Variants in SMOC1 observed in about 807,000 individuals in gnomAD.
The protein encoded by SMOC1 is SPARC related modular calcium binding 1.
SMOC1 carries 22 observed loss-of-function variants against 56.3 expected under a neutral mutation model. The observed-to-expected ratio is 0.39, with a 90% CI of 0.28 to 0.56. The LOEUF is 0.56. Among genes scored for constraint, SMOC1 ranks in the 20% least tolerant of loss-of-function variants. The pLI, the probability that SMOC1 is intolerant of heterozygous loss-of-function variation, is 0.61. For synonymous variants in SMOC1, 193 were observed against 215.0 expected (o/e 0.90, Z 0.89); for missense variants, 509 against 565.4 (o/e 0.90, Z 1.01).
At chr14:69,926,866 CACTTG>C (rs779976842) in intron 1 of SMOC1, among the ~76,000 whole-genome samples, 13 of 152,324 alleles carry the variant, frequency 8.5e-5, no homozygotes, top group Middle Eastern at 3.4e-3. Context: ...TTGAGGAAGT[CACTTG>C]ACCTCTCTGA....
At chr14:69,909,761 A>T (rs1189737473) in intron 1 of SMOC1, among the ~76,000 whole-genome samples, 1 of 152,216 alleles carries the variant, frequency 6.6e-6, no homozygotes, top group African/African-American at 2.4e-5. Context: ...AACACTTAAA[A>T]AATCTGTATT....
At chr14:69,922,665 T>C (rs1007115709) in intron 1 of SMOC1, among the ~76,000 whole-genome samples, 1 of 152,132 alleles carries the variant, frequency 6.6e-6, no homozygotes, top group African/African-American at 2.4e-5. Flanking sequence ...TGCCAAGATC[T>C]CTAGGTGATC....
chr14:69,934,245 G>C (rs771515068), intron 1 of SMOC1, among the ~76,000 whole-genome samples: 1 of 152,130 alleles, frequency 6.6e-6, no homozygotes, highest in African/African-American at 2.4e-5. Flanking sequence ...CCCGTTGAAG[G>C]CTCACATCTC....
At chr14:69,892,027 A>G (rs1045617701) in intron 1 of SMOC1, among the ~76,000 whole-genome samples, 2 of 152,204 alleles carry the variant, frequency 1.3e-5, no homozygotes, top group African/African-American at 2.4e-5. Context: ...TACTGAAGAT[A>G]TTAATCTGTT....
chr14:69,903,060 C>A (rs1388047106), intron 1 of SMOC1, among the ~76,000 whole-genome samples: 3 of 151,796 alleles, frequency 2.0e-5, no homozygotes, highest in African/African-American at 4.8e-5. Context: ...AAGTGAGGAG[C>A]GTCTCTGCCT....
chr14:69,884,128 G>A (rs933216835), intron 1 of SMOC1, among the ~76,000 whole-genome samples: 5 of 150,892 alleles, frequency 3.3e-5, no homozygotes, highest in East Asian at 1.9e-4. Context: ...GGATGGTCTC[G>A]ATCTCCCGAC....
intron 10 of SMOC1, among the ~76,000 whole-genome samples, chr14:70,014,268 GT>G (rs1885433863): frequency 6.6e-6 from 1 of 152,222 alleles, no homozygotes; most frequent in Non-Finnish European, 1.5e-5. Context: ...AAAATCTGTG[GT>G]GAGTGCTAGG....
chr14:69,961,653 G>A (rs1883384946), intron 3 of SMOC1, among the ~76,000 whole-genome samples: 1 of 152,118 alleles, frequency 6.6e-6, no homozygotes, highest in African/African-American at 2.4e-5. Flanking sequence ...AAGGATTACA[G>A]GTGTGGGCCA....
chr14:70,002,784 A>G (rs1488105950), intron 7 of SMOC1, among the ~76,000 whole-genome samples: 3 of 152,216 alleles, frequency 2.0e-5, no homozygotes, highest in Admixed American at 2.0e-4. Context: ...AGTTGGCTTG[A>G]AACCATAGGT....
At chr14:69,880,915 T>C (rs1484135029) in intron 1 of SMOC1, among the ~76,000 whole-genome samples, 1 of 152,260 alleles carries the variant, frequency 6.6e-6, no homozygotes, top group South Asian at 2.1e-4. Flanking sequence ...AGTCTTGCAA[T>C]GCTTGACAAG....
intron 3 of SMOC1, among the ~76,000 whole-genome samples, chr14:69,971,421 T>A (rs2139490260): frequency 6.6e-6 from 1 of 152,298 alleles, no homozygotes; most frequent in African/African-American, 2.4e-5. Flanking sequence ...GGAGGAGCCA[T>A]CTGTTGACAC....
chr14:69,909,009 C>T (rs980695691), intron 1 of SMOC1, among the ~76,000 whole-genome samples: 13 of 152,082 alleles, frequency 8.5e-5, no homozygotes, highest in Non-Finnish European at 1.0e-4. Context: ...CTTCTAAAGT[C>T]CTCTATGGTG....
intron 1 of SMOC1, among the ~76,000 whole-genome samples, chr14:69,941,293 C>A (rs899978569): frequency 6.6e-6 from 1 of 152,194 alleles, no homozygotes; most frequent in Non-Finnish European, 1.5e-5. Flanking sequence ...TTCCACCTGG[C>A]GCATTTGCTT....
chr14:69,968,902 G>C (rs550032681), intron 3 of SMOC1, among the ~76,000 whole-genome samples: 42 of 152,334 alleles, frequency 2.8e-4, no homozygotes, highest in African/African-American at 9.9e-4. Context: ...GACAGATGGG[G>C]AGAAATGAAG....
chr14:70,023,547 A>C (rs2281663), intron 11 of SMOC1, 100 bp downstream of exon 11: 2 of 1,517,242 alleles, frequency 1.3e-6, no homozygotes, highest in African/African-American at 1.4e-5. Flanking sequence ...ATACTCATCT[A>C]TTCATCAATT....
At chr14:70,007,916 T>C (rs1294963123) in intron 7 of SMOC1, among the ~76,000 whole-genome samples, 1 of 152,190 alleles carries the variant, frequency 6.6e-6, no homozygotes, top group Non-Finnish European at 1.5e-5. Flanking sequence ...CTCTGTGTAC[T>C]CTTCACAGAG....
chr14:69,936,630 A>T (rs1885302429), intron 1 of SMOC1, among the ~76,000 whole-genome samples: 1 of 152,178 alleles, frequency 6.6e-6, no homozygotes. Context: ...GATGCTTTTG[A>T]GGTGACAGCA....
intron 11 of SMOC1, 62 bp from the exon 12 acceptor site, chr14:70,030,180 C>G: frequency 6.2e-7 from 1 of 1,605,376 alleles, no homozygotes; most frequent in Non-Finnish European, 8.5e-7. Flanking sequence ...ACTCTAACTT[C>G]TTGCTTATAT....
chr14:69,903,347 G>A (rs916357573), intron 1 of SMOC1, among the ~76,000 whole-genome samples: 26 of 151,290 alleles, frequency 1.7e-4, no homozygotes, highest in African/African-American at 5.3e-4. Flanking sequence ...CCCGGCAGCC[G>A]CTCCGTCTGA....
Sources: allele counts gnomAD v4.1 joint callset (sites outside exome capture counted in the v4.1 genomes callset), GRCh38; gene constraint gnomAD v4.1.1; transcripts MANE v1.5; gene names NCBI Gene and HGNC (gene_info 2026-07-23, HGNC 2026-07-21).